Variants in AGO2 observed in about 807,000 individuals in gnomAD.
The protein encoded by AGO2 is protein argonaute-2.
AGO2 carries 5 observed loss-of-function variants against 102.3 expected under a neutral mutation model. The ratio of observed to expected loss-of-function variants is 0.05; its 90% confidence interval spans 0.03 to 0.10. The LOEUF (loss-of-function observed/expected upper bound fraction) is 0.10. AGO2 is among the 10% of genes least tolerant of loss of function. The pLI, the probability that AGO2 is intolerant of heterozygous loss-of-function variation, is 1.00. For synonymous variants in AGO2, 449 were observed against 473.1 expected (o/e 0.95, Z 0.66); for missense variants, 541 against 1,183.7 (o/e 0.46, Z 7.97).
chr8:140,595,993 T>TATA (rs1554708973), intron 1 of AGO2, among the ~76,000 whole-genome samples: 1 of 121,996 alleles, frequency 8.2e-6, no homozygotes, highest in East Asian at 2.1e-4. Context: ...AATATATATA[T>TATA]TATATATATA....
intron 2 of AGO2, among the ~76,000 whole-genome samples, chr8:140,584,647 A>G (rs1203507082): frequency 6.6e-6 from 1 of 152,258 alleles, no homozygotes; most frequent in Non-Finnish European, 1.5e-5. Flanking sequence ...AGCAATAAAA[A>G]TAAGCTACAA....
chr8:140,608,658 C>G (rs1278705992), intron 1 of AGO2, among the ~76,000 whole-genome samples: 1 of 152,234 alleles, frequency 6.6e-6, no homozygotes, highest in African/African-American at 2.4e-5. Flanking sequence ...GGACAATCCA[C>G]GGGGAAGTGC....
chr8:140,543,993 C>T (rs559909200), intron 14 of AGO2, among the ~76,000 whole-genome samples: 50 of 152,324 alleles, frequency 3.3e-4, no homozygotes, highest in Non-Finnish European at 5.6e-4. Context: ...AGGCATGAGC[C>T]CCTATGCCCC....
chr8:140,602,316 C>A (rs1040453771), intron 1 of AGO2, among the ~76,000 whole-genome samples: 5 of 152,158 alleles, frequency 3.3e-5, no homozygotes, highest in African/African-American at 1.2e-4. Context: ...ATGTTGGCAA[C>A]ACTGTCATTA....
At chr8:140,625,971 C>T (rs1458604326) in intron 1 of AGO2, among the ~76,000 whole-genome samples, 1 of 152,242 alleles carries the variant, frequency 6.6e-6, no homozygotes, top group Non-Finnish European at 1.5e-5. Flanking sequence ...GCATACTTCA[C>T]GAAGCAGCAG....
intron 14 of AGO2, among the ~76,000 whole-genome samples, chr8:140,543,382 A>T (rs1177863877): frequency 6.6e-6 from 1 of 152,222 alleles, no homozygotes; most frequent in Non-Finnish European, 1.5e-5. Flanking sequence ...GGGCAGCTCG[A>T]ATGGCTTCCT....
At position 140,567,788 on chromosome 8, in the gene AGO2, G is replaced by A. The variant is rs1286707924; in HGVS notation, c.336+5024C>T. Among the ~76,000 whole-genome samples, 1 of 152,098 alleles carries A rather than the reference G, an allele frequency of 6.6e-6. No individual in the cohort carries two copies. Among genetic ancestry groups the A allele is most frequent in the Non-Finnish European group, 1.5e-5 (1 of 68,026 alleles). ...GACTGTCATGGGGTGATTCCTCTTT[G>A]GGGTCGTCACACAACTCAGCAACAA... On this transcript the variant is annotated intron_variant, in intron 3 of 18. Transcript: ENST00000220592. This position sits in a 1 kb window ranked among gnomAD's most constrained non-coding sequence, Gnocchi z 5.0.
chr8:140,599,021 A>G (rs561947012), intron 1 of AGO2, among the ~76,000 whole-genome samples: 1 of 152,166 alleles, frequency 6.6e-6, no homozygotes, highest in Non-Finnish European at 1.5e-5. Flanking sequence ...CGCTGAGGCC[A>G]CTCTACCCTG....
At chr8:140,598,094 A>C (rs913299653) in intron 1 of AGO2, among the ~76,000 whole-genome samples, 1 of 152,208 alleles carries the variant, frequency 6.6e-6, no homozygotes, top group Non-Finnish European at 1.5e-5. Flanking sequence ...AAAGGAGGAG[A>C]TGAGGCAGGA....
At chr8:140,545,527 C>T (rs1439513740) in intron 13 of AGO2, among the ~76,000 whole-genome samples, 1 of 152,168 alleles carries the variant, frequency 6.6e-6, no homozygotes. Context: ...ATCCTGTCTC[C>T]CCTGATGCCA....
chr8:140,548,630 T>C (rs534463902), intron 12 of AGO2, among the ~76,000 whole-genome samples: 33 of 152,280 alleles, frequency 2.2e-4, no homozygotes, highest in African/African-American at 7.9e-4. Flanking sequence ...GAGAGAAGTG[T>C]GGTTTTTACA....
chr8:140,618,980 A>C (rs998116238), intron 1 of AGO2, among the ~76,000 whole-genome samples: 3 of 151,996 alleles, frequency 2.0e-5, no homozygotes, highest in Non-Finnish European at 2.9e-5. Flanking sequence ...ATCAAAAAGC[A>C]ACTCTGCCCA....
intron 1 of AGO2, among the ~76,000 whole-genome samples, chr8:140,594,063 C>T (rs934463867): frequency 4.6e-5 from 7 of 152,128 alleles, no homozygotes; most frequent in East Asian, 1.9e-4. Context: ...CCTCAACGCA[C>T]GATGCCACTC....
At chr8:140,629,080 G>C (rs2074309624) in intron 1 of AGO2, among the ~76,000 whole-genome samples, 1 of 152,036 alleles carries the variant, frequency 6.6e-6, no homozygotes, top group Admixed American at 6.6e-5. Flanking sequence ...AACAGAGAGA[G>C]ACTCTGTCTC....
chr8:140,629,495 T>C (rs1013496068), intron 1 of AGO2, among the ~76,000 whole-genome samples: 48 of 152,100 alleles, frequency 3.2e-4, no homozygotes, highest in Non-Finnish European at 6.3e-4. Context: ...CGGACGGGGC[T>C]GCAGTTCTGA....
intron 3 of AGO2, among the ~76,000 whole-genome samples, chr8:140,564,417 T>C (rs566809866): frequency 2.7e-4 from 41 of 152,114 alleles, no homozygotes; most frequent in Non-Finnish European, 4.7e-4. Flanking sequence ...TAAATGTACA[T>C]AGCTGGCCCT....
intron 4 of AGO2, among the ~76,000 whole-genome samples, chr8:140,562,060 A>C (rs1476381066): frequency 6.6e-6 from 1 of 152,228 alleles, no homozygotes; most frequent in Non-Finnish European, 1.5e-5. Context: ...AACAGTCACA[A>C]AAAGCAGCGG....
chr8:140,621,712 A>AT (rs2074219464), intron 1 of AGO2, among the ~76,000 whole-genome samples: 2 of 152,232 alleles, frequency 1.3e-5, no homozygotes, highest in East Asian at 1.9e-4. Context: ...TAAATCTAAC[A>AT]TTTTTTTCCA....
intron 1 of AGO2, among the ~76,000 whole-genome samples, chr8:140,611,058 G>A (rs1369084782): frequency 6.6e-5 from 10 of 152,208 alleles, no homozygotes; most frequent in African/African-American, 1.4e-4. Flanking sequence ...CTGACTTAGC[G>A]GTTCTCTAAG....
Sources: allele counts gnomAD v4.1 joint callset (sites outside exome capture counted in the v4.1 genomes callset), GRCh38; gene constraint gnomAD v4.1.1; non-coding constraint Gnocchi (gnomAD v3.1); transcripts MANE v1.5; gene names NCBI Gene and HGNC (gene_info 2026-07-23, HGNC 2026-07-21).